NRCAM: variants seen among roughly 807,000 people sequenced by gnomAD.
The protein encoded by NRCAM is neuronal cell adhesion molecule.
NRCAM carries 83 observed loss-of-function variants against 156.5 expected under a neutral mutation model. The observed-to-expected ratio is 0.53, with a 90% CI of 0.44 to 0.64. The LOEUF (loss-of-function observed/expected upper bound fraction) is 0.64, where lower values mean the gene tolerates loss of function less well. NRCAM is among the 30% of genes least tolerant of loss of function. The pLI, the probability that NRCAM is intolerant of heterozygous loss-of-function variation, is 0.00. For missense variants in NRCAM, 1,417 were observed against 1,597.3 expected (o/e 0.89, Z 1.92); for synonymous variants, 538 against 563.9 (o/e 0.95, Z 0.65).
At chr7:108,394,166 T>C (rs2099770344) in intron 2 of NRCAM, among the ~76,000 whole-genome samples, 1 of 152,156 alleles carries the variant, frequency 6.6e-6, no homozygotes. Flanking sequence ...GTGAGGCAGC[T>C]CTGATTAGCT....
chr7:108,163,301 C>T (rs1353047609), intron 30 of NRCAM, among the ~76,000 whole-genome samples: 4 of 152,164 alleles, frequency 2.6e-5, no homozygotes, highest in Admixed American at 2.6e-4. Context: ...TTACAACAGT[C>T]TTCTGCTCTG....
At chr7:108,188,408 C>T (rs397572) in intron 20 of NRCAM, among the ~76,000 whole-genome samples, 106,479 of 150,900 alleles carry the variant, frequency 0.71, 38,610 homozygotes, top group East Asian at 0.96. Context: ...TGTATATATA[C>T]ATATGTTTAC....
chr7:108,154,899 T>G (rs1585094033), intron 32 of NRCAM, among the ~76,000 whole-genome samples: 1 of 151,710 alleles, frequency 6.6e-6, no homozygotes, highest in African/African-American at 2.4e-5. Flanking sequence ...GTGTAGTGAG[T>G]GGTTATGACT....
At chr7:108,326,863 G>T (rs181339716) in intron 2 of NRCAM, among the ~76,000 whole-genome samples, 13 of 152,278 alleles carry the variant, frequency 8.5e-5, no homozygotes, top group African/African-American at 2.2e-4. Context: ...AGAGAAAGCA[G>T]CCCTGAGGGA....
In NRCAM at chr7:108,255,027, G is replaced by C. The variant is rs1442409033; in HGVS notation, c.-106-14857C>G. On this transcript the variant is annotated intron_variant, in intron 3 of 32. Transcript: ENST00000379028. ...ATCCAATGCCCATTAACGGATGAAAGAATAAGCAAAATGTGGTATATTCAT... is the reference window on the plus strand; with the variant it reads ...ATCCAATGCCCATTAACGGATGAAACAATAAGCAAAATGTGGTATATTCAT... 2.6e-5 allele frequency among the ~76,000 whole-genome samples: 4 copies of C among 152,138 alleles called. No individual in the cohort carries two copies. In the South Asian group the frequency reaches 8.3e-4, roughly 32 times the overall value.
chr7:108,197,980 C>T lies in NRCAM; in HGVS notation c.1327G>A (p.Ala443Thr), dbSNP rs368406626. The T allele has an allele frequency of 7.6e-5, 119 of 1,575,468 alleles. No homozygotes were observed. Among genetic ancestry groups the T allele is most frequent in the Non-Finnish European group, 1.0e-4 (119 of 1,163,708 alleles). Residue 443 changes from alanine (A) to threonine (T), a missense_variant, in exon 14 of 33, where the codon GCA (alanine) becomes ACA (threonine). Physicochemically the swap from Ala to Thr is moderately conservative, Grantham distance 58. Around this residue, in one of 2 missense-constraint regions of NRCAM, gnomAD observed 1,238 missense variants for 1,336.4 expected, o/e 0.93. Coordinates refer to ENST00000379028, the MANE Select transcript of NRCAM (RefSeq NM_001037132.4). ...CCCAGCACATTTACAAATGCGTTTG[C>T]CAGTAAATATCCATATTCATTAGAG... ...NASNEYGYLL[A>T]NAFVNVLAEP...
At chr7:108,208,883 T>G in intron 12 of NRCAM, among the ~76,000 whole-genome samples, 1 of 152,202 alleles carries the variant, frequency 6.6e-6, no homozygotes, top group Admixed American at 6.5e-5. Flanking sequence ...GTTAAGACAG[T>G]GTCTGCCAGG....
rs1047678378 is a variant in NRCAM, at chr7:108,231,027, T to G, written c.550+4A>C. On this transcript the variant is annotated splice_donor_region_variant and intron_variant, in intron 8 of 32. Coordinates refer to ENST00000379028, the MANE Select transcript of NRCAM (RefSeq NM_001037132.4). ...GAAAGAAAGTTCATATTATCAAAAC[T>G]TACAATTATCCATCCAAAATATTAT... is the stretch of plus-strand genomic sequence containing the variant. 6.2e-7 allele frequency: 1 copy of G among 1,600,608 alleles called. No individual in the cohort carries two copies. Among genetic ancestry groups the G allele is most frequent in the African/African-American group, 1.3e-5 (1 of 74,588 alleles).
chr7:108,255,368 G>C (rs558410884), intron 3 of NRCAM, among the ~76,000 whole-genome samples: 61 of 152,308 alleles, frequency 4.0e-4, no homozygotes, highest in African/African-American at 1.4e-3. Flanking sequence ...GGGTTTCGCC[G>C]TGTTGGCTGG....
intron 3 of NRCAM, among the ~76,000 whole-genome samples, chr7:108,258,102 T>C (rs2096752390): frequency 6.6e-6 from 1 of 152,180 alleles, no homozygotes; most frequent in Non-Finnish European, 1.5e-5. Context: ...GGAGTCTGGG[T>C]CTCTGCCTGT....
chr7:108,179,074 C>T (rs1225484074), intron 25 of NRCAM, among the ~76,000 whole-genome samples: 4 of 152,202 alleles, frequency 2.6e-5, no homozygotes, highest in Non-Finnish European at 5.9e-5. Flanking sequence ...TAAGCTTCCC[C>T]AACCCAATAA....
chr7:108,211,972 C>G (rs2084765224), intron 11 of NRCAM, among the ~76,000 whole-genome samples: 1 of 152,168 alleles, frequency 6.6e-6, no homozygotes, highest in South Asian at 2.1e-4. Flanking sequence ...ACCACCAAAC[C>G]TAAGAACCCT....
rs775189385 is a variant in NRCAM, at chr7:108,223,858, T to C, written c.779-22A>G. ...TTAGCTGCAAACAAGAAAATCAGTATGCATTACAACTTATAAATATGTATT... is the reference window on the plus strand; with the variant it reads ...TTAGCTGCAAACAAGAAAATCAGTACGCATTACAACTTATAAATATGTATT... On this transcript the variant is annotated intron_variant, in intron 10 of 32. Coordinates refer to ENST00000379028, the MANE Select transcript of NRCAM (RefSeq NM_001037132.4). The C allele has an allele frequency of 1.1e-5, 12 of 1,112,434 alleles. 1 individual carries two copies. The highest frequency in any genetic ancestry group is 4.7e-5 in the East Asian group (2 of 42,456). 68.9% of individuals were successfully genotyped at this position (1,112,434 alleles called of 1,614,324 possible).
chr7:108,274,310 A>G (rs866006921), intron 3 of NRCAM, among the ~76,000 whole-genome samples: 31 of 152,196 alleles, frequency 2.0e-4, no homozygotes, highest in African/African-American at 6.8e-4. Flanking sequence ...ATAGCATTCA[A>G]TCTACAAATT....
chr7:108,257,058 G>GGGAGGGAAAGAAGAAAGAA (rs1164727876), intron 3 of NRCAM, among the ~76,000 whole-genome samples: 1 of 147,304 alleles, frequency 6.8e-6, no homozygotes, highest in Non-Finnish European at 1.5e-5. Flanking sequence ...AAGGGAGGGA[G>GGGAGGGAAAGAAGAAAGAA]GGAGGGAAAG....
chr7:108,438,603 C>T (rs1834975422), intron 1 of NRCAM, among the ~76,000 whole-genome samples: 1 of 152,062 alleles, frequency 6.6e-6, no homozygotes, highest in Admixed American at 6.6e-5. Context: ...GTAAGGATGT[C>T]CACTCTTACC....
chr7:108,181,078 A>G (rs1327802984), intron 24 of NRCAM, among the ~76,000 whole-genome samples: 1 of 152,204 alleles, frequency 6.6e-6, no homozygotes, highest in Non-Finnish European at 1.5e-5. Flanking sequence ...GAAAGTACTG[A>G]TTAATTTTGG....
intron 30 of NRCAM, among the ~76,000 whole-genome samples, chr7:108,165,648 GAATAA>G (rs1397839253): frequency 2.6e-5 from 4 of 152,076 alleles, no homozygotes; most frequent in African/African-American, 7.2e-5. Flanking sequence ...ACAAAGAACA[GAATAA>G]AATGTGTGGT....
intron 5 of NRCAM, among the ~76,000 whole-genome samples, chr7:108,236,066 C>T (rs79057779): frequency 0.04 from 6,113 of 152,218 alleles, 168 homozygotes; most frequent in Middle Eastern, 0.068. Flanking sequence ...CATACCTCTG[C>T]TTCCTTTGTG....
Sources: gnomAD v4.1 joint callset for allele counts (sites outside exome capture counted in the v4.1 genomes callset) on GRCh38, gnomAD v4.1.1 for gene constraint, gnomAD v4.1.1 regional missense constraint, MANE v1.5 for transcripts, NCBI Gene and HGNC (gene_info 2026-07-23, HGNC 2026-07-21) for gene names.